Variants in NTRK1 observed in about 807,000 individuals in gnomAD.
NTRK1 encodes the protein neurotrophic receptor tyrosine kinase 1.
A neutral mutation model predicts 86.8 loss-of-function variants in NTRK1; 62 were observed. The ratio of observed to expected loss-of-function variants is 0.71; its 90% confidence interval spans 0.58 to 0.88. The LOEUF is 0.88. Among genes scored for constraint, NTRK1 ranks in the 40% least tolerant of loss-of-function variants. The probability of loss-of-function intolerance (pLI) is 0.00; values close to 1 mark genes in which losing one functional copy is unlikely to be tolerated. For synonymous variants in NTRK1, 469 were observed against 456.6 expected, an observed-to-expected ratio of 1.03 and a Z score of -0.35; for missense variants, 967 against 1,078.4, an observed-to-expected ratio of 0.90 and a Z score of 1.45.
intron 1 of NTRK1, chr1:156,841,942 T>A: frequency 6.5e-7 from 1 of 1,550,230 alleles, no homozygotes; most frequent in Non-Finnish European, 8.9e-7. Flanking sequence ...TCAGAACTCA[T>A]CCCATCCAAA....
upstream of NTRK1, among the ~76,000 whole-genome samples, chr1:156,857,157 CTGTGTATG>C (rs1303776174): frequency 2.1e-3 from 254 of 121,378 alleles, no homozygotes; most frequent in Admixed American, 2.7e-3. Flanking sequence ...TGCCCAGCAG[CTGTGTATG>C]TGTGTGTGTG....
intron 1 of NTRK1, among the ~76,000 whole-genome samples, chr1:156,826,746 C>T (rs1311542876): frequency 6.6e-6 from 1 of 152,210 alleles, no homozygotes; most frequent in African/African-American, 2.4e-5. Context: ...AAAACATGGA[C>T]TCATTTGCAG....
chr1:156,840,288 GGC>G (rs1197992776), intron 1 of NTRK1: 1 of 159,698 alleles, frequency 6.3e-6, no homozygotes, highest in Admixed American at 5.9e-5. Flanking sequence ...GGGAGCCCTG[GGC>G]AGGGCAAAAG....
At chr1:156,851,980 C>T (rs747197702) in intron 2 of NTRK1, 4 of 1,610,502 alleles carry the variant, frequency 2.5e-6, no homozygotes, top group South Asian at 1.1e-5. Context: ...GCACAGAGTG[C>T]AGGCTGGCAC....
At chr1:156,844,130 G>T (rs1051050101) in intron 2 of NTRK1, 2 of 1,394,158 alleles carry the variant, frequency 1.4e-6, no homozygotes, top group African/African-American at 2.8e-5. Context: ...TATGATGAGG[G>T]CTCAGGGAGA....
chr1:156,857,433 C>T (rs1490525364), upstream of NTRK1, among the ~76,000 whole-genome samples: 1 of 152,188 alleles, frequency 6.6e-6, no homozygotes, highest in Non-Finnish European at 1.5e-5. Flanking sequence ...CCCTGCCTTC[C>T]CTCAGGACCT....
intron 12 of NTRK1, 100 bp downstream of exon 12, chr1:156,875,766 C>G (rs1647868219): frequency 1.3e-6 from 2 of 1,495,122 alleles, no homozygotes; most frequent in Non-Finnish European, 1.8e-6. Flanking sequence ...CGATCCCTCC[C>G]TTTCTCCCAC....
At chr1:156,855,176 TTATCTATC>T (rs142014665) in intron 2 of NTRK1, among the ~76,000 whole-genome samples, 1 of 143,462 alleles carries the variant, frequency 7.0e-6, no homozygotes, top group African/African-American at 2.6e-5. Context: ...CCATCCAATT[TTATCTATC>T]TATCTATCTA....
chr1:156,851,262 A>G (rs749458283), intron 2 of NTRK1: 16 of 1,613,636 alleles, frequency 9.9e-6, no homozygotes, highest in East Asian at 4.5e-5. Flanking sequence ...GTGTAATAGA[A>G]GGAGCTGGTC....
Position 156,880,008 on chromosome 1 carries a change from C to T in NTRK1, c.2056C>T (p.Arg686Cys), listed in dbSNP as rs41358549. ...TGTCCGCCCGTGGCAGGTGGGAGGCCGCACCATGCTGCCCATTCGCTGGAT... is the reference window on the plus strand; with the variant it reads ...TGTCCGCCCGTGGCAGGTGGGAGGCTGCACCATGCTGCCCATTCGCTGGAT... Reference protein sequence around the residue: ...YSTDYYRVGGRTMLPIRWMPP... With the variant: ...YSTDYYRVGGCTMLPIRWMPP... The change falls in exon 16 of 17, where the codon CGC becomes TGC. Residue 686 changes from arginine (R) to cysteine (C), a missense_variant. By Grantham distance (180) the Arg-to-Cys change is radical. Transcript: ENST00000524377. 8.1e-6 allele frequency: 13 copies of T among 1,613,120 alleles called. No individual in the cohort carries two copies. Among genetic ancestry groups the T allele is most frequent in the South Asian group, 4.4e-5 (4 of 91,070 alleles).
intron 7 of NTRK1, 85 bp downstream of exon 7, chr1:156,871,840 A>G: frequency 6.4e-7 from 1 of 1,574,554 alleles, no homozygotes; most frequent in South Asian, 1.1e-5. Context: ...GGGCTGGAAG[A>G]AAGGGTGGGA....
intron 1 of NTRK1, chr1:156,816,702 A>T (rs780720483): frequency 3.8e-6 from 6 of 1,598,562 alleles, no homozygotes; most frequent in Non-Finnish European, 4.3e-6. Flanking sequence ...GCCAGGGGGA[A>T]CTCCATGAGG....
chr1:156,842,374 C>T (rs761488096), intron 2 of NTRK1: 40 of 1,612,720 alleles, frequency 2.5e-5, no homozygotes, highest in Middle Eastern at 1.6e-4. Context: ...TTCTTTCACT[C>T]CCCAGGGTCT....
At chr1:156,841,265 G>T in intron 1 of NTRK1, 1 of 1,031,522 alleles carries the variant, frequency 9.7e-7, no homozygotes, top group Non-Finnish European at 1.5e-6. Context: ...TGGGATAGGG[G>T]GGTGGCGCTC....
In NTRK1 at chr1:156,866,927, C is replaced by T. The variant is rs539589077; in HGVS notation, c.377C>T (p.Ala126Val). Reference sequence around the variant, plus strand: ...GCCCGCAGGAATCTCTCCTTCAACGCTCTGGAGTCTCTCTCCTGGAAAACT... The same window carrying T: ...GCCCGCAGGAATCTCTCCTTCAACGTTCTGGAGTCTCTCTCCTGGAAAACT... ...RLSRLNLSFN[A>V]LESLSWKTVQ... Residue 126 changes from alanine (A) to valine (V), a missense_variant, in exon 4 of 17, where the codon GCT becomes GTT. By Grantham distance (64) the Ala-to-Val change is moderately conservative. Around this residue, in one of 2 missense-constraint regions of NTRK1, gnomAD observed 330 missense variants for 302.0 expected, o/e 1.09. Coordinates refer to ENST00000524377, the MANE Select transcript of NTRK1 (RefSeq NM_002529.4). 8 of 1,614,142 alleles carry T rather than the reference C, an allele frequency of 5.0e-6. No individual in the cohort carries two copies. In the Admixed American group the frequency reaches 6.7e-5, roughly 13 times the overall value.
At chr1:156,870,282 C>G (rs1230442417) in intron 6 of NTRK1, among the ~76,000 whole-genome samples, 1 of 152,038 alleles carries the variant, frequency 6.6e-6, no homozygotes, top group African/African-American at 2.4e-5. Flanking sequence ...GCACAGTGGC[C>G]CATACCTGTA....
chr1:156,849,140 C>CT, intron 2 of NTRK1: 1 of 1,598,790 alleles, frequency 6.3e-7, no homozygotes, highest in Non-Finnish European at 8.5e-7. Flanking sequence ...AGTGAGACCT[C>CT]TGAGGAGAAC....
intron 2 of NTRK1, chr1:156,853,748 C>T (rs1263767026): frequency 3.1e-6 from 5 of 1,593,432 alleles, no homozygotes; most frequent in Non-Finnish European, 3.4e-6. Context: ...GTGCCAGTGC[C>T]CACCTCTCTG....
chr1:156,867,050 T>A lies in NTRK1; in HGVS notation c.428+72T>A, dbSNP rs41413644. The A allele has an allele frequency of 2.2e-5, 32 of 1,471,116 alleles. No individual in the cohort carries two copies. In the Admixed American group the frequency reaches 3.5e-4, roughly 16 times the overall value. The allele number at this position is 1,471,116 out of a possible 1,614,324, so 91.1% of individuals were successfully genotyped here. A position where few individuals can be genotyped will look rare whatever the true frequency, so the allele number is the denominator to read the frequency against. On this transcript the variant is annotated intron_variant, in intron 4 of 16. Coordinates refer to ENST00000524377, the MANE Select transcript of NTRK1 (RefSeq NM_002529.4). ...CCTGTGTGCACTTGGGTCTGTTGGA[T>A]GACATTGGGTCACTGTGTCTGTGTG...
Sources: allele counts gnomAD v4.1 joint callset (sites outside exome capture counted in the v4.1 genomes callset), GRCh38; gene constraint gnomAD v4.1.1; regional missense constraint gnomAD v4.1.1; transcripts MANE v1.5; gene names NCBI Gene and HGNC (gene_info 2026-07-23, HGNC 2026-07-21).